PCDH11X: variants seen among roughly 807,000 people sequenced by gnomAD.
The protein encoded by PCDH11X is protocadherin 11 X-linked.
A neutral mutation model predicts 53.3 loss-of-function variants in PCDH11X; 18 were observed. The ratio of observed to expected loss-of-function variants is 0.34; its 90% CI spans 0.23 to 0.50. PCDH11X has a LOEUF of 0.50. Ranked by LOEUF, PCDH11X falls within the 20% of genes least tolerant of loss-of-function variation. PCDH11X has a pLI of 0.98. For missense variants in PCDH11X, 570 were observed against 1,032.4 expected, an observed-to-expected ratio of 0.55 and a Z score of 6.14; for synonymous variants, 279 against 393.3, an observed-to-expected ratio of 0.71 and a Z score of 3.44.
At position 92,423,427 on chromosome X, in the gene PCDH11X, C is replaced by T. The variant is rs892973853; in HGVS notation, c.3343+35494C>T. 2.1e-5 allele frequency among the ~76,000 whole-genome samples: 2 copies of T among 94,970 alleles called. 1 individual carries two copies. Among genetic ancestry groups the T allele is most frequent in the Non-Finnish European group, 4.6e-5 (2 of 43,279 alleles). The allele number at this position is 94,970 out of a possible 115,157, so 82.5% of individuals were successfully genotyped here. A position where few individuals can be genotyped will look rare whatever the true frequency, so the allele number is the denominator to read the frequency against. On this transcript the variant is annotated intron_variant, in intron 9 of 10. Transcript: ENST00000682573. ...TGTATAGATTGCAAAGATTTTCTTC[C>T]ACTCTGAGGGTTGTCTGTTTACTCT...
chrX:91,780,001 G>GTC (rs1430528738), intron 1 of PCDH11X, among the ~76,000 whole-genome samples: 1 of 111,951 alleles, frequency 8.9e-6, no homozygotes, highest in Non-Finnish European at 1.9e-5. Context: ...GTGCAAAAAG[G>GTC]TCTCTCCCTT....
intron 8 of PCDH11X, among the ~76,000 whole-genome samples, chrX:92,295,224 A>C (rs1420068705): frequency 9.0e-6 from 1 of 111,092 alleles, no homozygotes; most frequent in Non-Finnish European, 1.9e-5. Flanking sequence ...GAAAGCATTA[A>C]AATGATATAA....
At chrX:92,599,651 T>G (rs2148806133) in intron 10 of PCDH11X, among the ~76,000 whole-genome samples, 1 of 112,023 alleles carries the variant, frequency 8.9e-6, no homozygotes, top group African/African-American at 3.3e-5. Flanking sequence ...GAAAATGGAC[T>G]AATACAGCAA....
chrX:92,293,561 G>T (rs6522515), intron 8 of PCDH11X, among the ~76,000 whole-genome samples: 19,602 of 104,663 alleles, frequency 0.19, 3,019 homozygotes, highest in East Asian at 0.73. Context: ...AGGCGGAGCT[G>T]GCAGTAAGCC....
intron 10 of PCDH11X, among the ~76,000 whole-genome samples, chrX:92,511,875 G>A (rs1417009433): frequency 9.1e-6 from 1 of 109,885 alleles, no homozygotes; most frequent in Non-Finnish European, 1.9e-5. Context: ...AGATGAGGGG[G>A]TGCCTAAGGG....
Position 92,622,586 on chromosome X carries a change from A to G in PCDH11X, c.*3646A>G, listed in dbSNP as rs181312810. 9.1e-6 allele frequency: 1 copy of G among 109,721 alleles called. No individual in the cohort carries two copies. Among genetic ancestry groups the G allele is most frequent in the Non-Finnish European group, 1.9e-5 (1 of 52,271 alleles). 9.0% of individuals were successfully genotyped at this position (109,721 alleles called of 1,213,427 possible). A position where few individuals can be genotyped will look rare whatever the true frequency, so the allele number is the denominator to read the frequency against. Reference sequence around the variant, plus strand: ...ACCAAATTTATAGTTAGTTTAGGTAAACTTTTTATTATGACCATTAGAAAC... The same window carrying G: ...ACCAAATTTATAGTTAGTTTAGGTAGACTTTTTATTATGACCATTAGAAAC... On this transcript the variant is annotated 3_prime_UTR_variant, in exon 11 of 11. Transcript: ENST00000682573.
At chrX:92,328,750 T>C (rs2069394271) in intron 8 of PCDH11X, among the ~76,000 whole-genome samples, 1 of 110,267 alleles carries the variant, frequency 9.1e-6, no homozygotes, top group African/African-American at 3.3e-5. Flanking sequence ...ATAGCTTGAG[T>C]AGCCCTATAT....
At chrX:92,112,277 CAT>C (rs770437927) in intron 6 of PCDH11X, among the ~76,000 whole-genome samples, 811 of 105,613 alleles carry the variant, frequency 7.7e-3, no homozygotes, top group Non-Finnish European at 0.011. Context: ...CAGGCAGGCT[CAT>C]AGATTTGAGA....
Position 92,005,587 on chromosome X carries a change from T to C in PCDH11X, c.3033+126314T>C, listed in dbSNP as rs73537453. Among the ~76,000 whole-genome samples, 196 of 112,262 alleles carry C rather than the reference T, an allele frequency of 1.7e-3. 1 individual carries two copies. The highest frequency in any genetic ancestry group is 6.0e-3 in the African/African-American group (187 of 31,015). ...CTTGAAAAGTTGTTGTAGTTATTAT[T>C]TTTGATGGGTTCATCTTTTTGCTTT... On this transcript the variant is annotated intron_variant, in intron 6 of 10. Coordinates refer to ENST00000682573, the MANE Select transcript of PCDH11X (RefSeq NM_032968.5).
At chrX:92,343,500 T>A (rs1350261706) in intron 8 of PCDH11X, among the ~76,000 whole-genome samples, 1 of 110,163 alleles carries the variant, frequency 9.1e-6, no homozygotes, top group Non-Finnish European at 1.9e-5. Flanking sequence ...ATTACCCATA[T>A]TGGACATTAT....
chrX:92,114,466 C>T lies in PCDH11X; in HGVS notation c.3034-86909C>T, dbSNP rs185522421. The T allele has an allele frequency of 1.5e-3, 932 of 614,689 alleles. 6 individuals are homozygous for T. The African/African-American group carries it at 0.018, about 12-fold the overall frequency. The allele number at this position is 614,689 out of a possible 1,213,427, so 50.7% of individuals were successfully genotyped here. A position where few individuals can be genotyped will look rare whatever the true frequency, so the allele number is the denominator to read the frequency against. On this transcript the variant is annotated intron_variant, in intron 6 of 10. Coordinates refer to ENST00000682573, the MANE Select transcript of PCDH11X (RefSeq NM_032968.5). ...GGAATCCTGGCTTACAGACATGATC[C>T]TGAGAAACTAGCCTTTTTATCTATT...
chrX:91,833,979 T>C (rs939781618), intron 4 of PCDH11X, among the ~76,000 whole-genome samples: 24 of 111,834 alleles, frequency 2.1e-4, no homozygotes, highest in African/African-American at 7.8e-4. Flanking sequence ...TATGCATTAA[T>C]ACATTTCTGG....
intron 10 of PCDH11X, among the ~76,000 whole-genome samples, chrX:92,598,210 C>A: frequency 9.0e-6 from 1 of 110,930 alleles, no homozygotes; most frequent in Middle Eastern, 4.7e-3. Flanking sequence ...TAAGAAGCTT[C>A]TGCACAGCAA....
chrX:92,100,195 C>A (rs898975629), intron 6 of PCDH11X, among the ~76,000 whole-genome samples: 1 of 111,097 alleles, frequency 9.0e-6, no homozygotes, highest in African/African-American at 3.3e-5. Context: ...CACGAAGAAG[C>A]CTTTCTTCCA....
intron 6 of PCDH11X, among the ~76,000 whole-genome samples, chrX:92,111,832 C>A (rs1270777250): frequency 9.1e-6 from 1 of 110,084 alleles, no homozygotes; most frequent in African/African-American, 3.3e-5. Context: ...TCTCGGCTCA[C>A]TGCAAACTCC....
chrX:91,931,379 G>T (rs1215557577), intron 6 of PCDH11X, among the ~76,000 whole-genome samples: 1 of 110,772 alleles, frequency 9.0e-6, no homozygotes, highest in Non-Finnish European at 1.9e-5. Flanking sequence ...TGAGTAATTG[G>T]TATTAACCTA....
At chrX:92,084,501 C>T (rs935923844) in intron 6 of PCDH11X, among the ~76,000 whole-genome samples, 1 of 102,467 alleles carries the variant, frequency 9.8e-6, no homozygotes, top group Non-Finnish European at 1.9e-5. Context: ...GAGCCAAGAT[C>T]GCACTATTGC....
At chrX:92,567,852 G>C (rs1210134853) in intron 10 of PCDH11X, among the ~76,000 whole-genome samples, 1 of 103,928 alleles carries the variant, frequency 9.6e-6, no homozygotes, top group African/African-American at 3.5e-5. Flanking sequence ...TGGAGGAGGA[G>C]GGTGGTGGGA....
intron 9 of PCDH11X, among the ~76,000 whole-genome samples, chrX:92,416,920 G>T (rs1002846198): frequency 1.8e-5 from 2 of 111,344 alleles, no homozygotes; most frequent in Admixed American, 9.5e-5. Context: ...AAGCCACTTT[G>T]GTGGCATTTT....
Sources: allele counts gnomAD v4.1 joint callset (sites outside exome capture counted in the v4.1 genomes callset), GRCh38; gene constraint gnomAD v4.1.1; transcripts MANE v1.5; gene names NCBI Gene and HGNC (gene_info 2026-07-23, HGNC 2026-07-21).